EPHA5: variants seen among roughly 807,000 people sequenced by gnomAD.
EPHA5 encodes EPH receptor A5.
A neutral mutation model predicts 105.0 loss-of-function variants in EPHA5; 60 were observed. That is an observed-to-expected ratio of 0.57 (90% CI 0.46 to 0.71). The LOEUF (loss-of-function observed/expected upper bound fraction) is 0.71, where lower values mean the gene tolerates loss of function less well. EPHA5 is among the 30% of genes least tolerant of loss of function. The probability of loss-of-function intolerance (pLI) is 0.00; values close to 1 mark genes in which losing one functional copy is unlikely to be tolerated. For missense variants in EPHA5, 1,218 were observed against 1,274.7 expected (o/e 0.96, Z 0.68); for synonymous variants, 513 against 449.1 (o/e 1.14, Z -1.80).
chr4:65,453,872 C>G (rs563339438), intron 5 of EPHA5, among the ~76,000 whole-genome samples: 53 of 152,266 alleles, frequency 3.5e-4, no homozygotes, highest in South Asian at 1.5e-3. Flanking sequence ...CATTCCTGCC[C>G]TAAATCTTGC....
intron 11 of EPHA5, among the ~76,000 whole-genome samples, chr4:65,360,060 G>A (rs946503200): frequency 3.3e-5 from 5 of 151,594 alleles, no homozygotes; most frequent in African/African-American, 1.2e-4. Context: ...CCCTCTTCCT[G>A]TAACAGTCTG....
intron 5 of EPHA5, among the ~76,000 whole-genome samples, chr4:65,434,060 A>C (rs1725250696): frequency 6.7e-6 from 1 of 149,478 alleles, no homozygotes. Flanking sequence ...ATCTCAAAAA[A>C]ATAAAAAAAT....
At chr4:65,373,069 A>G (rs1718647985) in intron 8 of EPHA5, among the ~76,000 whole-genome samples, 1 of 151,864 alleles carries the variant, frequency 6.6e-6, no homozygotes, top group South Asian at 2.1e-4. Flanking sequence ...GTTTTTTAAA[A>G]GTTTTATTCT....
intron 8 of EPHA5, among the ~76,000 whole-genome samples, chr4:65,384,463 A>T (rs1304907303): frequency 6.6e-6 from 1 of 151,912 alleles, no homozygotes; most frequent in East Asian, 1.9e-4. Flanking sequence ...CCTATTTCCA[A>T]TTCAGGATCA....
chr4:65,483,248 T>C (rs1038057445), intron 5 of EPHA5, among the ~76,000 whole-genome samples: 5 of 152,214 alleles, frequency 3.3e-5, no homozygotes, highest in African/African-American at 1.2e-4. Context: ...ATTTTCTTAA[T>C]CCAGTCTATC....
At chr4:65,359,399 T>C (rs1296960459) in intron 11 of EPHA5, among the ~76,000 whole-genome samples, 1 of 151,654 alleles carries the variant, frequency 6.6e-6, no homozygotes, top group Non-Finnish European at 1.5e-5. Context: ...ACATTTTTCT[T>C]TTTACTTCTT....
At chr4:65,597,300 G>C (rs931453946) in intron 3 of EPHA5, among the ~76,000 whole-genome samples, 1 of 152,142 alleles carries the variant, frequency 6.6e-6, no homozygotes, top group African/African-American at 2.4e-5. Flanking sequence ...ATGAAGATTA[G>C]TGGTCTTGCC....
chr4:65,534,504 A>G (rs1736110644), intron 3 of EPHA5, among the ~76,000 whole-genome samples: 1 of 152,244 alleles, frequency 6.6e-6, no homozygotes, highest in Non-Finnish European at 1.5e-5. Flanking sequence ...ATACTTTTCA[A>G]CTTATAAAAG....
chr4:65,631,682 A>T (rs1746641798), intron 2 of EPHA5, among the ~76,000 whole-genome samples: 1 of 151,302 alleles, frequency 6.6e-6, no homozygotes, highest in Non-Finnish European at 1.5e-5. Context: ...TCTAAAGGGT[A>T]GGACATTAAG....
intron 8 of EPHA5, among the ~76,000 whole-genome samples, chr4:65,393,100 A>C (rs1352600063): frequency 6.6e-6 from 1 of 152,156 alleles, no homozygotes. Flanking sequence ...TTGATATAAG[A>C]CTTCACATGT....
chr4:65,363,413 TA>T (rs1292376746), intron 11 of EPHA5, among the ~76,000 whole-genome samples: 2 of 151,620 alleles, frequency 1.3e-5, no homozygotes, highest in Non-Finnish European at 3.0e-5. Flanking sequence ...ATTGCATCAC[TA>T]GATGCAGAGT....
chr4:65,439,019 T>C (rs1285288310), intron 5 of EPHA5, among the ~76,000 whole-genome samples: 2 of 152,090 alleles, frequency 1.3e-5, no homozygotes, highest in Non-Finnish European at 2.9e-5. Context: ...CATACACCAA[T>C]TCACAGAAAC....
chr4:65,402,419 A>G (rs1253430885), intron 8 of EPHA5, among the ~76,000 whole-genome samples: 1 of 152,200 alleles, frequency 6.6e-6, no homozygotes, highest in East Asian at 1.9e-4. Context: ...CAAACATTTT[A>G]TCTAATGTGA....
chr4:65,376,831 T>C (rs10012882), intron 8 of EPHA5, among the ~76,000 whole-genome samples: 7,605 of 152,096 alleles, frequency 0.05, 344 homozygotes, highest in African/African-American at 0.11. Context: ...GCCATATGTA[T>C]AATATTTATT....
At chr4:65,509,886 C>A (rs1384721464) in intron 3 of EPHA5, among the ~76,000 whole-genome samples, 1 of 152,034 alleles carries the variant, frequency 6.6e-6, no homozygotes, top group Non-Finnish European at 1.5e-5. Context: ...GACAATATGC[C>A]TAAATTCTTA....
At chr4:65,420,210 C>T (rs987147975) in intron 6 of EPHA5, among the ~76,000 whole-genome samples, 1 of 152,016 alleles carries the variant, frequency 6.6e-6, no homozygotes, top group Admixed American at 6.6e-5. Flanking sequence ...CTCAGTTAAG[C>T]CAATATTAGA....
At chr4:65,430,915 CTGTCTT>C (rs1413904793) in intron 5 of EPHA5, among the ~76,000 whole-genome samples, 4 of 152,090 alleles carry the variant, frequency 2.6e-5, no homozygotes, top group Admixed American at 2.6e-4. Flanking sequence ...GGAGAAACAA[CTGTCTT>C]TGATAAAAAC....
intron 5 of EPHA5, among the ~76,000 whole-genome samples, chr4:65,486,925 A>G (rs1730936140): frequency 6.6e-6 from 1 of 152,138 alleles, no homozygotes; most frequent in Non-Finnish European, 1.5e-5. Flanking sequence ...AGAACAGCAT[A>G]TCCTTGGTGC....
At position 65,567,879 on chromosome 4, in the gene EPHA5, T is replaced by C. The variant is rs117290088; in HGVS notation, c.910+33762A>G. On this transcript the variant is annotated intron_variant, in intron 3 of 16. Coordinates refer to ENST00000613740, the MANE Select transcript of EPHA5 (RefSeq NM_001281766.3). Reference sequence around the variant, plus strand: ...GACTTATAGTCATCCTTTAGTCTGATCCTCCTGTTTAAAATTCTGCCTGCT... The same window carrying C: ...GACTTATAGTCATCCTTTAGTCTGACCCTCCTGTTTAAAATTCTGCCTGCT... Among the ~76,000 whole-genome samples, 472 of 151,658 alleles carry C rather than the reference T, an allele frequency of 3.1e-3. 3 individuals carry two copies. Among genetic ancestry groups the C allele is most frequent in the East Asian group, 0.022 (113 of 5,176 alleles).
Sources: allele counts gnomAD v4.1 joint callset (sites outside exome capture counted in the v4.1 genomes callset), GRCh38; gene constraint gnomAD v4.1.1; transcripts MANE v1.5; gene names NCBI Gene and HGNC (gene_info 2026-07-23, HGNC 2026-07-21).